The following ARID4B variants were observed in gnomAD, a reference collection of about 807,000 sequenced individuals.
ARID4B encodes AT-rich interaction domain 4B.
A neutral mutation model predicts 147.5 loss-of-function variants in ARID4B; 26 were observed. That is an observed-to-expected ratio of 0.18 (90% confidence interval 0.13 to 0.24). The LOEUF (loss-of-function observed/expected upper bound fraction) is 0.24. Ranked by LOEUF, ARID4B falls within the 10% of genes least tolerant of loss-of-function variation. ARID4B has a pLI of 1.00. For missense variants in ARID4B, 1,179 were observed against 1,511.5 expected (o/e 0.78, Z 3.65); for synonymous variants, 512 against 507.9 (o/e 1.01, Z -0.11).
At chr1:235,179,195 G>A (rs1353282600) in intron 20 of ARID4B, among the ~76,000 whole-genome samples, 1 of 152,096 alleles carries the variant, frequency 6.6e-6, no homozygotes, top group Non-Finnish European at 1.5e-5. Flanking sequence ...AATATTCATA[G>A]TAAGTAAATT....
intron 2 of ARID4B, among the ~76,000 whole-genome samples, chr1:235,307,538 C>A (rs562245821): frequency 6.6e-6 from 1 of 152,244 alleles, no homozygotes; most frequent in South Asian, 2.1e-4. Flanking sequence ...GTTGACTGTT[C>A]TAAAGATTCT....
Position 235,167,623 on chromosome 1 carries a change from T to C in ARID4B, c.*902A>G, listed in dbSNP as rs1246547200. Reference sequence around the variant, plus strand: ...GTTCCTGAAGTCCTTTTGTTGTAGCTCATAATAAAATAAGCAATACAAATG... The same window carrying C: ...GTTCCTGAAGTCCTTTTGTTGTAGCCCATAATAAAATAAGCAATACAAATG... On this transcript the variant is annotated 3_prime_UTR_variant, in exon 24 of 24. Coordinates refer to ENST00000264183, the MANE Select transcript of ARID4B (RefSeq NM_016374.6). The C allele has an allele frequency of 9.5e-6, 2 of 211,584 alleles. No homozygotes were observed. The highest frequency in any genetic ancestry group is 1.4e-4 in the East Asian group (2 of 13,946). 13.1% of individuals were successfully genotyped at this position (211,584 alleles called of 1,614,324 possible).
chr1:235,311,430 A>G (rs1674046127), intron 2 of ARID4B, among the ~76,000 whole-genome samples: 1 of 151,196 alleles, frequency 6.6e-6, no homozygotes, highest in African/African-American at 2.4e-5. Flanking sequence ...CTTTGTATAT[A>G]TAATAGGTAC....
chr1:235,261,935 T>C (rs192951036), intron 2 of ARID4B, among the ~76,000 whole-genome samples: 4 of 152,340 alleles, frequency 2.6e-5, no homozygotes, highest in African/African-American at 7.2e-5. Context: ...AAATTCACTA[T>C]ATTGAATGAA....
At chr1:235,191,851 T>G (rs114021429) in intron 19 of ARID4B, among the ~76,000 whole-genome samples, 5,947 of 152,172 alleles carry the variant, frequency 0.039, 432 homozygotes, top group African/African-American at 0.14. Context: ...GGCAGATGGA[T>G]TGGATTGCTT....
intron 3 of ARID4B, among the ~76,000 whole-genome samples, chr1:235,258,270 T>C (rs1670104221): frequency 6.6e-6 from 1 of 152,124 alleles, no homozygotes. Context: ...AGGTGGAGGT[T>C]GCAGTGAGCC....
chr1:235,193,094 A>G (rs1665234461), intron 19 of ARID4B, among the ~76,000 whole-genome samples: 1 of 142,260 alleles, frequency 7.0e-6, no homozygotes, highest in Admixed American at 7.0e-5. Flanking sequence ...ACTCCGTCTC[A>G]AAAAAAAAAA....
chr1:235,268,155 G>A (rs1158166251), intron 2 of ARID4B, among the ~76,000 whole-genome samples: 1 of 152,106 alleles, frequency 6.6e-6, no homozygotes, highest in African/African-American at 2.4e-5. Context: ...GAGATAAGCT[G>A]CAAGGCTGGA....
chr1:235,198,075 G>C (rs556253826), intron 17 of ARID4B, among the ~76,000 whole-genome samples: 1 of 152,240 alleles, frequency 6.6e-6, no homozygotes, highest in East Asian at 1.9e-4. Flanking sequence ...TATCAACTTT[G>C]TTTTTAAAAG....
chr1:235,255,756 G>T lies in ARID4B; in HGVS notation c.184-6C>A. On this transcript the variant is annotated splice_region_variant and splice_polypyrimidine_tract_variant and intron_variant, in intron 4 of 23. Transcript: ENST00000264183. ...ACTTCCACAATAGCTCCTACCTAAA[G>T]TATTTTTAAACATGTTAGAAAAACT... 1 of 1,592,042 alleles carries T rather than the reference G, an allele frequency of 6.3e-7. No homozygotes were observed. Among genetic ancestry groups the T allele is most frequent in the Non-Finnish European group, 8.5e-7 (1 of 1,169,862 alleles).
intron 17 of ARID4B, among the ~76,000 whole-genome samples, chr1:235,213,328 C>T (rs1183063113): frequency 6.6e-6 from 1 of 152,144 alleles, no homozygotes. Context: ...GGAGATAAGG[C>T]TTTCTTAAAA....
chr1:235,312,183 G>C (rs1328167779), intron 2 of ARID4B, among the ~76,000 whole-genome samples: 5 of 151,924 alleles, frequency 3.3e-5, no homozygotes, highest in Non-Finnish European at 7.4e-5. Flanking sequence ...CTACTCAGGA[G>C]GCTGAGGCAG....
intron 2 of ARID4B, among the ~76,000 whole-genome samples, chr1:235,269,584 G>GT (rs939389851): frequency 2.0e-5 from 3 of 151,992 alleles, no homozygotes; most frequent in Non-Finnish European, 2.9e-5. Flanking sequence ...AAGTTTGAAC[G>GT]TAATGATAAT....
At chr1:235,246,162 T>C (rs1035550744) in intron 7 of ARID4B, among the ~76,000 whole-genome samples, 1 of 152,204 alleles carries the variant, frequency 6.6e-6, no homozygotes, top group African/African-American at 2.4e-5. Context: ...TCAGGAATTA[T>C]TGACTGGTTT....
At chr1:235,325,680 T>G (rs925078050) in intron 2 of ARID4B, among the ~76,000 whole-genome samples, 2 of 152,232 alleles carry the variant, frequency 1.3e-5, no homozygotes, top group Non-Finnish European at 2.9e-5. Flanking sequence ...TAGCTAGGAT[T>G]TGTGACTAAC....
At chr1:235,236,297 C>G (rs955003652) in intron 8 of ARID4B, among the ~76,000 whole-genome samples, 1 of 151,956 alleles carries the variant, frequency 6.6e-6, no homozygotes, top group Non-Finnish European at 1.5e-5. Context: ...ATCAATAATT[C>G]TAAGAATTTA....
rs185579832 is a variant in ARID4B, at chr1:235,217,713, A to T, written c.1583+2080T>A. Among the ~76,000 whole-genome samples the T allele has an allele frequency of 5.1e-4, 77 of 152,328 alleles. No individual in the cohort carries two copies. The Middle Eastern group carries it at 0.017, about 34-fold the overall frequency. On this transcript the variant is annotated intron_variant, in intron 16 of 23. Transcript: ENST00000264183. ...CCCACATCTGGACAATGGAAGAAGG[A>T]CACTGAACATTCTTGGTAGTAGCCT...
intron 2 of ARID4B, among the ~76,000 whole-genome samples, chr1:235,263,424 G>A (rs932982181): frequency 2.0e-5 from 3 of 152,032 alleles, no homozygotes; most frequent in African/African-American, 7.2e-5. Context: ...ACAGACACTA[G>A]CAACATTTCA....
At chr1:235,316,864 G>A (rs553629359) in intron 2 of ARID4B, among the ~76,000 whole-genome samples, 6 of 148,456 alleles carry the variant, frequency 4.0e-5, no homozygotes, top group South Asian at 2.1e-4. Flanking sequence ...ATATACATAC[G>A]TAAAACACAA....
Sources: allele counts gnomAD v4.1 joint callset (sites outside exome capture counted in the v4.1 genomes callset), GRCh38; gene constraint gnomAD v4.1.1; transcripts MANE v1.5; gene names NCBI Gene and HGNC (gene_info 2026-07-23, HGNC 2026-07-21).